Variants in CNBD1 observed in about 807,000 individuals in gnomAD.
The protein encoded by CNBD1 is cyclic nucleotide-binding domain-containing protein 1.
CNBD1 carries 71 observed loss-of-function variants against 54.4 expected under a neutral mutation model. The observed-to-expected ratio is 1.30, with a 90% CI of 1.08 to 1.59. The LOEUF (loss-of-function observed/expected upper bound fraction) is 1.59. Among genes scored for constraint, CNBD1 ranks in the 40% most tolerant of loss-of-function variants. The probability of loss-of-function intolerance (pLI) is 0.00; values close to 1 mark genes in which losing one functional copy is unlikely to be tolerated. For synonymous variants in CNBD1, 182 were observed against 170.7 expected (o/e 1.07, Z -0.51); for missense variants, 659 against 518.0 (o/e 1.27, Z -2.64).
At chr8:87,424,079 A>G (rs1484101225) in intron 2 of CNBD1, among the ~76,000 whole-genome samples, 4 of 152,142 alleles carry the variant, frequency 2.6e-5, no homozygotes, top group Non-Finnish European at 4.4e-5. Flanking sequence ...TGTTTGTAGT[A>G]TTCTCTGATG....
At chr8:87,410,213 C>T (rs1428474421) in intron 2 of CNBD1, among the ~76,000 whole-genome samples, 1 of 151,982 alleles carries the variant, frequency 6.6e-6, no homozygotes, top group African/African-American at 2.4e-5. Context: ...GATGGAGATC[C>T]ACATGCCTGC....
intron 4 of CNBD1, among the ~76,000 whole-genome samples, chr8:87,052,997 T>C (rs1487137366): frequency 1.6e-5 from 2 of 123,782 alleles, no homozygotes; most frequent in Non-Finnish European, 3.2e-5. Context: ...GAATGGCCGA[T>C]GATATAGCTG....
intron 10 of CNBD1, among the ~76,000 whole-genome samples, chr8:87,379,729 A>G (rs918894831): frequency 6.6e-6 from 1 of 151,970 alleles, no homozygotes; most frequent in Non-Finnish European, 1.5e-5. Flanking sequence ...ATACGTTTAT[A>G]ATATTTGTAA....
chr8:87,044,679 T>C (rs1257829360), intron 4 of CNBD1: 1 of 152,192 alleles, frequency 6.6e-6, no homozygotes, highest in Non-Finnish European at 1.5e-5. Context: ...AGCACAAGCA[T>C]AGCTTTTCTT....
intron 7 of CNBD1, 62 bp from the exon 8 acceptor site, chr8:87,286,477 T>G: frequency 3.2e-6 from 3 of 948,008 alleles, no homozygotes; most frequent in Non-Finnish European, 4.9e-6. Flanking sequence ...TTTATCTATT[T>G]GCTATTTCTT....
intron 6 of CNBD1, among the ~76,000 whole-genome samples, chr8:87,279,642 G>A (rs1398624131): frequency 6.6e-6 from 1 of 151,224 alleles, no homozygotes; most frequent in Non-Finnish European, 1.5e-5. Flanking sequence ...TAATGAGTAT[G>A]AAATGTATAT....
At chr8:87,137,052 ATATAT>A (rs1479304825) in intron 4 of CNBD1, among the ~76,000 whole-genome samples, 1 of 129,740 alleles carries the variant, frequency 7.7e-6, no homozygotes, top group African/African-American at 2.9e-5. Flanking sequence ...TGTAAATTAT[ATATAT>A]TATATTTATA....
chr8:87,227,649 C>T (rs1372706995), intron 5 of CNBD1, among the ~76,000 whole-genome samples: 1 of 138,266 alleles, frequency 7.2e-6, no homozygotes, highest in Non-Finnish European at 1.5e-5. Flanking sequence ...GGTAACCCGA[C>T]CTTTCTCTCT....
chr8:87,260,221 T>C (rs917862318), intron 6 of CNBD1, among the ~76,000 whole-genome samples: 3 of 152,182 alleles, frequency 2.0e-5, no homozygotes, highest in Non-Finnish European at 2.9e-5. Flanking sequence ...ACCTGAACCC[T>C]AAAATTCCTG....
chr8:86,979,196 A>G (rs1156740018), intron 4 of CNBD1, among the ~76,000 whole-genome samples: 2 of 151,878 alleles, frequency 1.3e-5, no homozygotes, highest in Admixed American at 6.6e-5. Flanking sequence ...GAACAAGAGT[A>G]TTTGTCTTCT....
chr8:87,318,753 A>C (rs1809454688), intron 8 of CNBD1, among the ~76,000 whole-genome samples: 1 of 152,102 alleles, frequency 6.6e-6, no homozygotes, highest in South Asian at 2.1e-4. Context: ...AAATTGACAC[A>C]ATTTCAAAAT....
intron 4 of CNBD1, among the ~76,000 whole-genome samples, chr8:87,003,677 G>A (rs1055503790): frequency 7.2e-5 from 11 of 152,106 alleles, no homozygotes; most frequent in Non-Finnish European, 1.3e-4. Context: ...GGTACTAGAG[G>A]ATATGAGAAG....
At chr8:87,280,600 A>T (rs1008055000) in intron 6 of CNBD1, among the ~76,000 whole-genome samples, 3 of 151,576 alleles carry the variant, frequency 2.0e-5, no homozygotes, top group Admixed American at 1.3e-4. Context: ...TTTAATGTGT[A>T]AATGCCTGGA....
intron 8 of CNBD1, among the ~76,000 whole-genome samples, chr8:87,317,742 T>C (rs1049384588): frequency 2.0e-5 from 3 of 151,988 alleles, no homozygotes; most frequent in African/African-American, 2.4e-5. Context: ...GTATTAGTTT[T>C]TATCAAATAT....
chr8:87,398,191 A>G (rs1227485728), intron 2 of CNBD1, among the ~76,000 whole-genome samples: 3 of 151,490 alleles, frequency 2.0e-5, no homozygotes, highest in African/African-American at 7.3e-5. Flanking sequence ...TTATATTAAT[A>G]GATTTGAAAT....
chr8:87,262,118 C>A (rs1170845077), intron 6 of CNBD1, among the ~76,000 whole-genome samples: 1 of 152,154 alleles, frequency 6.6e-6, no homozygotes, highest in Admixed American at 6.6e-5. Context: ...CATGCCACTG[C>A]ATTCCAGCCT....
intron 8 of CNBD1, among the ~76,000 whole-genome samples, chr8:87,319,105 TAGGAG>T (rs1458110530): frequency 6.6e-6 from 1 of 152,022 alleles, no homozygotes; most frequent in Non-Finnish European, 1.5e-5. Context: ...GAGAGGATAT[TAGGAG>T]AGAAGTGGCC....
chr8:87,108,442 A>T (rs539285622), intron 4 of CNBD1, among the ~76,000 whole-genome samples: 1 of 152,186 alleles, frequency 6.6e-6, no homozygotes, highest in African/African-American at 2.4e-5. Flanking sequence ...TTTAAAGTAT[A>T]CAAGTTACTA....
chr8:87,045,117 G>A (rs774909843), intron 4 of CNBD1, among the ~76,000 whole-genome samples: 1 of 152,162 alleles, frequency 6.6e-6, no homozygotes, highest in Admixed American at 6.5e-5. Context: ...TTTCTTCTGG[G>A]CCTGGTTCAA....
Sources: allele counts gnomAD v4.1 joint callset (sites outside exome capture counted in the v4.1 genomes callset), GRCh38; gene constraint gnomAD v4.1.1; transcripts MANE v1.5; gene names NCBI Gene and HGNC (gene_info 2026-07-23, HGNC 2026-07-21).